KLHL5: variants seen among roughly 807,000 people sequenced by gnomAD.
KLHL5 encodes kelch-like protein 5.
Under a neutral mutation model 77.7 loss-of-function variants are expected in KLHL5, and 48 were observed. That is an observed-to-expected ratio of 0.62 (90% CI 0.49 to 0.79). KLHL5 has a LOEUF of 0.79. Ranked by LOEUF, KLHL5 falls within the 30% of genes least tolerant of loss-of-function variation. KLHL5 has a pLI of 0.00. For synonymous variants in KLHL5, 260 were observed against 297.0 expected (o/e 0.88, Z 1.28); for missense variants, 723 against 859.7 (o/e 0.84, Z 1.99).
chr4:39,142,133 T>C, the KLHL5 span, among the ~76,000 whole-genome samples: 11 of 152,278 alleles, frequency 7.2e-5, no homozygotes, highest in East Asian at 1.3e-3. Context: ...ATTAGAAAAA[T>C]AAAATGTCTG....
chr4:39,125,904 T>A lies in KLHL5; in HGVS notation c.*4838T>A, dbSNP rs1484839099. Among the ~76,000 whole-genome samples, 5 of 152,236 alleles carry A rather than the reference T, an allele frequency of 3.3e-5. No homozygotes were observed. Among genetic ancestry groups the A allele is most frequent in the Non-Finnish European group, 1.5e-5 (1 of 68,050 alleles). ...TAAATGTCATAACAATAGCATTCTG[T>A]ACGCTTCACTAGGATAAAAACTTCG... On this transcript the variant is annotated 3_prime_UTR_variant, in exon 11 of 11. Transcript: ENST00000504108.
In KLHL5 at chr4:39,123,468, A is replaced by G. The variant is rs1301746767; in HGVS notation, c.*2402A>G. On this transcript the variant is annotated 3_prime_UTR_variant, in exon 11 of 11. Coordinates refer to ENST00000504108, the MANE Select transcript of KLHL5 (RefSeq NM_015990.5). ...AGATGCAAAAAAACTTCAAAATACT[A>G]GCAGGCCAAATCCAGCAGCTTATTA... 6.6e-6 allele frequency among the ~76,000 whole-genome samples: 1 copy of G among 152,198 alleles called. No individual in the cohort carries two copies. Among genetic ancestry groups the G allele is most frequent in the Non-Finnish European group, 1.5e-5 (1 of 68,032 alleles).
chr4:39,062,661 T>A lies in KLHL5; in HGVS notation c.9T>A (p.Gly3=), dbSNP rs561225942. ...ACTTGGTTTCTCTGAGGATGTCTGGTTCTCGTAAAGAGTTTGATGTGAAAC... is the reference window on the plus strand; with the variant it reads ...ACTTGGTTTCTCTGAGGATGTCTGGATCTCGTAAAGAGTTTGATGTGAAAC... The part of the protein sequence containing the change: MS[G]SRKEFDVKQI... Residue 3 remains glycine, a synonymous_variant, in exon 1 of 11, where the codon GGT becomes GGA. Coordinates refer to ENST00000504108, the MANE Select transcript of KLHL5 (RefSeq NM_015990.5). 6.2e-7 allele frequency: 1 copy of A among 1,614,204 alleles called. No individual in the cohort carries two copies. Among genetic ancestry groups the A allele is most frequent in the African/African-American group, 1.3e-5 (1 of 75,060 alleles).
chr4:39,086,560 C>A lies in KLHL5; in HGVS notation c.946C>A (p.Pro316Thr), dbSNP rs1720052547. The A allele has an allele frequency of 6.2e-7, 1 of 1,613,954 alleles. No individual in the cohort carries two copies. Among genetic ancestry groups the A allele is most frequent in the South Asian group, 1.1e-5 (1 of 91,090 alleles). The change falls in exon 5 of 11, where the codon CCA becomes ACA. Residue 316 changes from proline to threonine, a missense_variant. Coordinates refer to ENST00000504108, the MANE Select transcript of KLHL5 (RefSeq NM_015990.5). ...CAGAAACCAGGAATTTGTATTATTACCAGCCAGCGAAATTGCAAAGCTCTT... is the reference window on the plus strand; with the variant it reads ...CAGAAACCAGGAATTTGTATTATTAACAGCCAGCGAAATTGCAAAGCTCTT... ...VIRNQEFVLL[P>T]ASEIAKLLAS... is the part of the protein sequence containing the mutation.
At chr4:39,102,476 C>G (rs1577721101) in intron 6 of KLHL5, among the ~76,000 whole-genome samples, 1 of 149,490 alleles carries the variant, frequency 6.7e-6, no homozygotes, top group South Asian at 2.1e-4. Flanking sequence ...GTACCCGATC[C>G]GTACTTACCC....
intron 1 of KLHL5, among the ~76,000 whole-genome samples, chr4:39,065,303 A>G (rs1717786566): frequency 6.6e-6 from 1 of 151,800 alleles, no homozygotes; most frequent in South Asian, 2.1e-4. Context: ...TTGTTCACCT[A>G]CTGTAAACAA....
chr4:39,131,829 A>G (rs145607199), downstream of KLHL5, among the ~76,000 whole-genome samples: 33 of 151,774 alleles, frequency 2.2e-4, 1 homozygote, highest in African/African-American at 7.5e-4. Flanking sequence ...TTGAGGCTCC[A>G]GTGAGCCAAG....
At chr4:39,128,944 T>C (rs572499010), downstream of KLHL5, among the ~76,000 whole-genome samples, 4 of 152,050 alleles carry the variant, frequency 2.6e-5, no homozygotes, top group South Asian at 8.3e-4. Flanking sequence ...GAGTGAGACC[T>C]TGCCTCAAAA....
At chr4:39,097,685 A>G (rs1475382305) in intron 6 of KLHL5, among the ~76,000 whole-genome samples, 3 of 152,228 alleles carry the variant, frequency 2.0e-5, no homozygotes, top group Non-Finnish European at 4.4e-5. Flanking sequence ...TATAAAAAAG[A>G]TTCAGAAATT....
chr4:39,053,677 G>A (rs1716815539), intron 1 of KLHL5, among the ~76,000 whole-genome samples: 1 of 152,150 alleles, frequency 6.6e-6, no homozygotes, highest in South Asian at 2.1e-4. Flanking sequence ...CAGTCATCAA[G>A]CTGAAGGAAT....
intron 8 of KLHL5, among the ~76,000 whole-genome samples, chr4:39,108,644 C>A (rs1259649564): frequency 1.3e-5 from 2 of 151,864 alleles, no homozygotes; most frequent in Non-Finnish European, 2.9e-5. Context: ...TATCTCCATG[C>A]CCCTCCCCTC....
At chr4:39,060,209 A>C (rs1014730916), upstream of KLHL5, among the ~76,000 whole-genome samples, 2 of 152,198 alleles carry the variant, frequency 1.3e-5, no homozygotes, top group Admixed American at 6.5e-5. Flanking sequence ...TTGTATAACA[A>C]TAGCAAATCT....
At chr4:39,096,139 A>C (rs1317944391) in intron 5 of KLHL5, among the ~76,000 whole-genome samples, 1 of 152,092 alleles carries the variant, frequency 6.6e-6, no homozygotes, top group Non-Finnish European at 1.5e-5. Flanking sequence ...TAAAAATTGT[A>C]TTTGTGTTAT....
At chr4:39,071,787 G>A (rs1026976550) in intron 1 of KLHL5, among the ~76,000 whole-genome samples, 2 of 152,150 alleles carry the variant, frequency 1.3e-5, no homozygotes, top group Admixed American at 6.5e-5. Flanking sequence ...ATTGCCTACT[G>A]CAGAGAGAGA....
At chr4:39,112,019 A>C (rs1722482721) in intron 8 of KLHL5, among the ~76,000 whole-genome samples, 1 of 152,146 alleles carries the variant, frequency 6.6e-6, no homozygotes, top group Non-Finnish European at 1.5e-5. Context: ...TAAATTCAAA[A>C]TGTATAATCT....
chr4:39,062,192 C>A, upstream of KLHL5: 2 of 966,982 alleles, frequency 2.1e-6, no homozygotes, highest in Non-Finnish European at 2.5e-6. Flanking sequence ...ATTGTTTCAG[C>A]AATGAAAGAG....
At chr4:39,069,307 G>A (rs1718184831) in intron 1 of KLHL5, among the ~76,000 whole-genome samples, 1 of 151,702 alleles carries the variant, frequency 6.6e-6, no homozygotes, top group Admixed American at 6.6e-5. Flanking sequence ...CATTTACTGT[G>A]GTAGATATAA....
chr4:39,105,100 C>T (rs1721918943), intron 7 of KLHL5, among the ~76,000 whole-genome samples: 1 of 151,854 alleles, frequency 6.6e-6, no homozygotes, highest in African/African-American at 2.4e-5. Flanking sequence ...TTTATCTCTT[C>T]ATATGTGGTA....
chr4:39,120,799 G>C (rs903141465), intron 10 of KLHL5, among the ~76,000 whole-genome samples: 1 of 152,226 alleles, frequency 6.6e-6, no homozygotes, highest in African/African-American at 2.4e-5. Flanking sequence ...ACACAATCAT[G>C]ATGTACCCAA....
Sources: gnomAD v4.1 joint callset for allele counts (sites outside exome capture counted in the v4.1 genomes callset) on GRCh38, gnomAD v4.1.1 for gene constraint, MANE v1.5 for transcripts, NCBI Gene and HGNC (gene_info 2026-07-23, HGNC 2026-07-21) for gene names.